The following GAMT variants were observed in gnomAD, a reference collection of about 807,000 sequenced individuals.
GAMT encodes the protein guanidinoacetate N-methyltransferase.
In GAMT, 26 loss-of-function variants were observed where a neutral mutation model predicts 26.9. That is an observed-to-expected ratio of 0.97 (90% CI 0.71 to 1.34). The LOEUF (loss-of-function observed/expected upper bound fraction) is 1.34, where lower values mean the gene tolerates loss of function less well. GAMT is among the 40% of genes most tolerant of loss of function. The probability of loss-of-function intolerance (pLI) is 0.00; values close to 1 mark genes in which losing one functional copy is unlikely to be tolerated. For synonymous variants in GAMT, 169 were observed against 149.6 expected (o/e 1.13, Z -0.95); for missense variants, 412 against 345.0 (o/e 1.19, Z -1.54).
chr19:1,400,067 G>C, intron 1 of GAMT, 129 bp from the exon 2 acceptor site: 1 of 1,125,034 alleles, frequency 8.9e-7, no homozygotes, highest in African/African-American at 1.7e-5. Flanking sequence ...TGGGCTGGGG[G>C]TCTGCCTGGA....
In GAMT at chr19:1,400,193, G is replaced by A. The variant is rs555319995; in HGVS notation, c.182-255C>T. 5.9e-5 allele frequency among the ~76,000 whole-genome samples: 8 copies of A among 136,358 alleles called. No homozygotes were observed. The South Asian group carries it at 1.8e-3, about 30-fold the overall frequency. The allele number at this position is 136,358 out of a possible 152,430, so 89.5% of individuals were successfully genotyped here. A position where few individuals can be genotyped will look rare whatever the true frequency, so the allele number is the denominator to read the frequency against. ...GCAGGGCTGGAGAGGCTGCCAGGAG[G>A]AGGGGATGCAGGGCTGGGGAGGCTG... On this transcript the variant is annotated intron_variant, in intron 1 of 5. Transcript: ENST00000252288.
rs1052942940 is a variant in GAMT at position 1,399,413 on chromosome 19, C to T, written c.391+111G>A. 15 of 1,124,926 alleles carry T rather than the reference C, an allele frequency of 1.3e-5. No individual in the cohort carries two copies. The highest frequency in any genetic ancestry group is 1.7e-5 in the Non-Finnish European group (13 of 767,588). 69.7% of individuals were successfully genotyped at this position (1,124,926 alleles called of 1,614,324 possible). On this transcript the variant is annotated intron_variant, in intron 3 of 5. Transcript: ENST00000252288. The surrounding 1 kb of genome is among the most constrained non-coding windows in gnomAD (Gnocchi z 6.2). ...CGCCATCCCACAGCCAGGCCCACAC[C>T]CACTTGGGCTCTGTCCCCCCAGTGC...
chr19:1,397,222 G>A lies in GAMT; in HGVS notation c.*137C>T, dbSNP rs548416540. Reference sequence around the variant, plus strand: ...CAGCTGGGATCAGCCCTGGGCTGGTGGGACCCCTCACAGAGAAGCCGGGAA... The same window carrying A: ...CAGCTGGGATCAGCCCTGGGCTGGTAGGACCCCTCACAGAGAAGCCGGGAA... On this transcript the variant is annotated 3_prime_UTR_variant, in exon 6 of 6. Transcript: ENST00000252288. 2.9e-6 allele frequency: 3 copies of A among 1,049,358 alleles called. No homozygotes were observed. In the African/African-American group the frequency reaches 4.7e-5, roughly 16 times the overall value. 65.0% of individuals were successfully genotyped at this position (1,049,358 alleles called of 1,614,324 possible).
chr19:1,399,900 C>A lies in GAMT; in HGVS notation c.220G>T (p.Ala74Ser). The A allele has an allele frequency of 6.2e-7, 1 of 1,608,706 alleles. No homozygotes were observed. The change falls in exon 2 of 6, where the codon GCA (alanine) becomes TCA (serine). Residue 74 changes from alanine to serine, a missense_variant. Transcript: ENST00000252288. This position sits in a 1 kb window ranked among gnomAD's most constrained non-coding sequence, Gnocchi z 6.2. Reference protein sequence around the residue: ...VLEVGFGMAIAASKVQEAPID... With the variant: ...VLEVGFGMAISASKVQEAPID... ...GGCGCCTCCTGCACCTTTGACGCTGCGATGGCCATGCCAAAGCCCACCTCC... is the reference window on the plus strand; with the variant it reads ...GGCGCCTCCTGCACCTTTGACGCTGAGATGGCCATGCCAAAGCCCACCTCC...
rs266809 is a variant in GAMT, at chr19:1,397,559, G to A, written c.571-60C>T. Reference sequence around the variant, plus strand: ...CCATGGGGGTCACGTGCACCCTGGCGCCCACCCCTCATTGAAGAGTGTTTA... The same window carrying A: ...CCATGGGGGTCACGTGCACCCTGGCACCCACCCCTCATTGAAGAGTGTTTA... On this transcript the variant is annotated intron_variant, in intron 5 of 5. Coordinates refer to ENST00000252288, the MANE Select transcript of GAMT (RefSeq NM_000156.6). The A allele has an allele frequency of 0.02, 32,320 of 1,589,930 alleles. 1,938 individuals are homozygous for A. The African/African-American group carries it at 0.21, about 10-fold the overall frequency.
Position 1,399,554 on chromosome 19 carries a change from C to G in GAMT, c.361G>C (p.Ala121Pro). 1 of 1,613,140 alleles carries G rather than the reference C, an allele frequency of 6.2e-7. No homozygotes were observed. The highest frequency in any genetic ancestry group is 8.5e-7 in the Non-Finnish European group (1 of 1,179,822). The change falls in exon 3 of 6, where the codon GCA becomes CCA. Residue 121 changes from alanine to proline, a missense_variant. Physicochemically the swap from Ala to Pro is conservative, Grantham distance 27. Coordinates refer to ENST00000252288, the MANE Select transcript of GAMT (RefSeq NM_000156.6). The surrounding 1 kb of genome is among the most constrained non-coding windows in gnomAD (Gnocchi z 6.2). ...IPLKGLWEDVAPTLPDGHFDG... is the reference protein window; with the variant it reads ...IPLKGLWEDVPPTLPDGHFDG... ...AAGTGACCGTCAGGCAGGGTGGGTG[C>G]CACATCCTCCCACAGGCCTTTCAAG...
chr19:1,397,765 G>C, intron 5 of GAMT: 1 of 1,374,310 alleles, frequency 7.3e-7, no homozygotes, highest in South Asian at 1.6e-5. Flanking sequence ...CAGTTCTCCA[G>C]ACCTTGCCAG....
In GAMT at chr19:1,398,964, C is replaced by CCAGGAGATGAGGTTG; in HGVS notation, c.521_522insCAACCTCATCTCCTG (p.Ser173_Trp174insCysAsnLeuIleSer). ...AGTACTTGGACTTCATCAGCTCCCC[C>CCAGGAGATGAGGTTG]CAGGAGGTGAGGTTGCAGTAGGTGA... On this transcript the variant is annotated inframe_insertion, in exon 5 of 6. Transcript: ENST00000252288. 1 of 1,613,440 alleles carries CCAGGAGATGAGGTTG rather than the reference C, an allele frequency of 6.2e-7. No homozygotes were observed. Among genetic ancestry groups the CCAGGAGATGAGGTTG allele is most frequent in the Non-Finnish European group, 8.5e-7 (1 of 1,180,008 alleles).
chr19:1,398,417 A>C, intron 5 of GAMT: 1 of 321,072 alleles, frequency 3.1e-6, no homozygotes. Context: ...TTTTTTTTTT[A>C]AATTTTCTTT....
Position 1,401,508 on chromosome 19 carries a change from C to T in GAMT, c.-32G>A. The T allele has an allele frequency of 1.6e-6, 2 of 1,287,346 alleles. No homozygotes were observed. The highest frequency in any genetic ancestry group is 2.0e-6 in the Non-Finnish European group (2 of 1,016,508). The allele number at this position is 1,287,346 out of a possible 1,614,324, so 79.7% of individuals were successfully genotyped here. ...GGCTGGACGGCGACCCGACCTCGAT[C>T]GCGCGCCGCCCGGGCCCGCTCCCTG... On this transcript the variant is annotated 5_prime_UTR_variant, in exon 1 of 6. Coordinates refer to ENST00000252288, the MANE Select transcript of GAMT (RefSeq NM_000156.6).
Position 1,401,409 on chromosome 19 carries a change from G to A in GAMT, c.68C>T (p.Ala23Val), listed in dbSNP as rs796052530. 2.8e-6 allele frequency: 4 copies of A among 1,452,910 alleles called. No homozygotes were observed. The highest frequency in any genetic ancestry group is 3.6e-6 in the Non-Finnish European group (4 of 1,105,362). 90.0% of individuals were successfully genotyped at this position (1,452,910 alleles called of 1,614,324 possible). A position where few individuals can be genotyped will look rare whatever the true frequency, so the allele number is the denominator to read the frequency against. The change falls in exon 1 of 6, where the codon GCG becomes GTG. Residue 23 changes from alanine to valine, a missense_variant. Transcript: ENST00000252288. Reference protein sequence around the residue: ...GENCSPAWGAAPAAYDAADTH... With the variant: ...GENCSPAWGAVPAAYDAADTH... ...GTCCGCTGCGTCGTAGGCCGCGGGC[G>A]CCGCCCCCCACGCGGGGCTGCAGTT...
At chr19:1,397,585 C>T in intron 5 of GAMT, 86 bp from the exon 6 acceptor site, 1 of 1,570,456 alleles carries the variant, frequency 6.4e-7, no homozygotes, top group East Asian at 2.3e-5. Context: ...AGAGTGTTTA[C>T]AGATGGCAAG....
At position 1,397,057 on chromosome 19, in the gene GAMT, G is replaced by T; in HGVS notation, c.*302C>A. On this transcript the variant is annotated 3_prime_UTR_variant, in exon 6 of 6. Transcript: ENST00000252288. ...TGTCCATGGGATGGGCGGGAGGTGA[G>T]GGAGCAGCCGCTGGAAGTAACAGTC... 1 of 400,290 alleles carries T rather than the reference G, an allele frequency of 2.5e-6. No individual in the cohort carries two copies. The highest frequency in any genetic ancestry group is 4.7e-6 in the Non-Finnish European group (1 of 214,504). 24.8% of individuals were successfully genotyped at this position (400,290 alleles called of 1,614,324 possible).
rs745740974 is a variant in GAMT at position 1,397,460 on chromosome 19, T to TC, written c.609dup (p.Arg204GlufsTer63). On this transcript the variant is annotated frameshift_variant, in exon 6 of 6. Transcript: ENST00000252288. LOFTEE classifies it high-confidence loss of function. ...ATCACCTCCGTACGGATGTTCTCCC[T>TC]CCGGAAGCCGGCCTCCAGCAGCGCG... The TC allele has an allele frequency of 6.2e-7, 1 of 1,608,962 alleles. No individual in the cohort carries two copies. The highest frequency in any genetic ancestry group is 8.5e-7 in the Non-Finnish European group (1 of 1,179,880).
At chr19:1,397,710 G>A (rs1237410407) in intron 5 of GAMT, 2 of 1,407,094 alleles carry the variant, frequency 1.4e-6, no homozygotes, top group Non-Finnish European at 1.9e-6. Context: ...CGGCTGTCCT[G>A]GAACCCCAGC....
intron 1 of GAMT, among the ~76,000 whole-genome samples, chr19:1,400,821 G>A (rs2082629547): frequency 6.6e-6 from 1 of 152,204 alleles, no homozygotes; most frequent in South Asian, 2.1e-4. Flanking sequence ...GCAGCCCTTA[G>A]CGTCTGACGC....
intron 5 of GAMT, 112 bp from the exon 6 acceptor site, chr19:1,397,611 T>G (rs538043261): frequency 8.6e-6 from 13 of 1,516,730 alleles, no homozygotes; most frequent in Middle Eastern, 3.6e-4. Flanking sequence ...GGTGGGCGGC[T>G]GCAGCTCCCG....
intron 5 of GAMT, chr19:1,398,361 G>A (rs1054611846): frequency 1.3e-5 from 3 of 230,206 alleles, no homozygotes; most frequent in Non-Finnish European, 2.6e-5. Context: ...GCCTTCCGAA[G>A]TGCCGGGATC....
Position 1,399,596 on chromosome 19 carries a change from G to A in GAMT, c.328-9C>T, listed in dbSNP as rs1220189610. On this transcript the variant is annotated splice_polypyrimidine_tract_variant and intron_variant, in intron 2 of 5. Coordinates refer to ENST00000252288, the MANE Select transcript of GAMT (RefSeq NM_000156.6). This position sits in a 1 kb window ranked among gnomAD's most constrained non-coding sequence, Gnocchi z 6.2. Reference sequence around the variant, plus strand: ...CCTTTCAAGGGGATGACCTTGCAGAGGGGAAAAGAAAAAGAGAGGACAGGG... The same window carrying A: ...CCTTTCAAGGGGATGACCTTGCAGAAGGGAAAAGAAAAAGAGAGGACAGGG... 2.5e-6 allele frequency: 4 copies of A among 1,611,564 alleles called. No individual in the cohort carries two copies. The highest frequency in any genetic ancestry group is 1.7e-4 in the Middle Eastern group (1 of 6,058).
Sources: gnomAD v4.1 joint callset for allele counts (sites outside exome capture counted in the v4.1 genomes callset) on GRCh38, gnomAD v4.1.1 for gene constraint, Gnocchi (gnomAD v3.1) non-coding constraint, MANE v1.5 for transcripts, NCBI Gene and HGNC (gene_info 2026-07-23, HGNC 2026-07-21) for gene names.